PHF21B: variants seen among roughly 807,000 people sequenced by gnomAD.
The protein encoded by PHF21B is PHD finger protein 4.
Under a neutral mutation model 62.2 loss-of-function variants are expected in PHF21B, and 22 were observed. That is an observed-to-expected ratio of 0.35 (90% CI 0.25 to 0.51). The LOEUF is 0.51. Among genes scored for constraint, PHF21B ranks in the 20% least tolerant of loss-of-function variants. The pLI is 0.97. For synonymous variants in PHF21B, 341 were observed against 314.7 expected, an observed-to-expected ratio of 1.08 and a Z score of -0.88; for missense variants, 701 against 707.9, an observed-to-expected ratio of 0.99 and a Z score of 0.11.
At chr22:44,929,979 C>T (rs1368314680) in intron 2 of PHF21B, among the ~76,000 whole-genome samples, 1 of 152,226 alleles carries the variant, frequency 6.6e-6, no homozygotes, top group East Asian at 1.9e-4. Context: ...GATCCACCCA[C>T]TGTCACTAGG....
intron 2 of PHF21B, among the ~76,000 whole-genome samples, chr22:44,923,017 A>C (rs1371036670): frequency 6.6e-6 from 1 of 152,212 alleles, no homozygotes; most frequent in Non-Finnish European, 1.5e-5. Context: ...TAGAATAGCC[A>C]AAACTATGAA....
At chr22:44,974,147 C>T (rs1245367287) in intron 2 of PHF21B, among the ~76,000 whole-genome samples, 1 of 152,148 alleles carries the variant, frequency 6.6e-6, no homozygotes, top group East Asian at 1.9e-4. Flanking sequence ...GGTGCGGTGG[C>T]TCACGTCTGT....
intron 2 of PHF21B, among the ~76,000 whole-genome samples, chr22:44,994,909 C>T (rs527628488): frequency 6.6e-6 from 1 of 152,368 alleles, no homozygotes; most frequent in African/African-American, 2.4e-5. Flanking sequence ...AATCAGCAGA[C>T]CTGCATGGCA....
Position 44,882,888 on chromosome 22 carries a change from T to G in PHF21B, c.*198A>C. On this transcript the variant is annotated 3_prime_UTR_variant, in exon 13 of 13. Coordinates refer to ENST00000313237, the MANE Select transcript of PHF21B (RefSeq NM_138415.5). ...CTGGCTCCTAGGTACCCCCTGTGAA[T>G]TTGGAGGGCACAGGGCCGCACCCCC... 1.7e-6 allele frequency: 1 copy of G among 602,316 alleles called. No individual in the cohort carries two copies. The highest frequency in any genetic ancestry group is 2.7e-6 in the Non-Finnish European group (1 of 364,806). The allele number at this position is 602,316 out of a possible 1,614,324, so 37.3% of individuals were successfully genotyped here.
intron 2 of PHF21B, among the ~76,000 whole-genome samples, chr22:44,947,366 T>C (rs773583235): frequency 5.9e-5 from 9 of 152,248 alleles, no homozygotes; most frequent in Non-Finnish European, 1.0e-4. Flanking sequence ...GACCGACGCA[T>C]GGGCAGGTGA....
Position 44,916,498 on chromosome 22 carries a change from C to T in PHF21B, c.346G>A (p.Ala116Thr), listed in dbSNP as rs747226328. The T allele has an allele frequency of 4.4e-5, 61 of 1,377,704 alleles. No homozygotes were observed. The highest frequency in any genetic ancestry group is 5.5e-5 in the Non-Finnish European group (56 of 1,014,340). The allele number at this position is 1,377,704 out of a possible 1,614,324, so 85.3% of individuals were successfully genotyped here. A position where few individuals can be genotyped will look rare whatever the true frequency, so the allele number is the denominator to read the frequency against. ...VKNPSPALPT[A>T]NNTVSHVPAP... The stretch of plus-strand genomic sequence containing the variant: ...GGCACATGGCTGACAGTGTTGTTGG[C>T]GGTGGGGAGGGCTGGGCTGGGGTTC... Residue 116 changes from alanine to threonine, a missense_variant, in exon 4 of 13, where the codon GCC (alanine) becomes ACC (threonine). Physicochemically the swap from Ala to Thr is moderately conservative, Grantham distance 58 (BLOSUM62 0). Coordinates refer to ENST00000313237, the MANE Select transcript of PHF21B (RefSeq NM_138415.5).
At chr22:44,964,261 A>G (rs1333504418) in intron 2 of PHF21B, among the ~76,000 whole-genome samples, 1 of 152,174 alleles carries the variant, frequency 6.6e-6, no homozygotes, top group Non-Finnish European at 1.5e-5. Context: ...TTTAACCATT[A>G]TCTTCCCTAA....
chr22:44,965,732 C>T (rs2072512713), intron 2 of PHF21B, among the ~76,000 whole-genome samples: 1 of 152,194 alleles, frequency 6.6e-6, no homozygotes, highest in South Asian at 2.1e-4. Context: ...CCACACTGCC[C>T]ACTGGCTGGG....
At chr22:44,887,505 G>C (rs2070880122) in intron 10 of PHF21B, among the ~76,000 whole-genome samples, 1 of 152,076 alleles carries the variant, frequency 6.6e-6, no homozygotes, top group Admixed American at 6.6e-5. Flanking sequence ...GCTGCTGGGA[G>C]GAGAGGCTGC....
At chr22:44,943,035 A>G (rs1251586317) in intron 2 of PHF21B, among the ~76,000 whole-genome samples, 1 of 146,600 alleles carries the variant, frequency 6.8e-6, no homozygotes, top group Non-Finnish European at 1.5e-5. Flanking sequence ...ACCAAAGCCA[A>G]GAGCACACAA....
chr22:44,964,468 T>A (rs1288000424), intron 2 of PHF21B, among the ~76,000 whole-genome samples: 1 of 151,392 alleles, frequency 6.6e-6, no homozygotes, highest in African/African-American at 2.4e-5. Context: ...GGAGGACCAC[T>A]CCCAAACCTC....
intron 2 of PHF21B, among the ~76,000 whole-genome samples, chr22:44,937,415 C>T (rs1013965071): frequency 2.0e-5 from 3 of 152,168 alleles, no homozygotes; most frequent in South Asian, 2.1e-4. Flanking sequence ...CCGCTGAGGA[C>T]GGAGACCCAA....
At chr22:44,893,913 A>G (rs1233464679) in intron 6 of PHF21B, among the ~76,000 whole-genome samples, 1 of 152,224 alleles carries the variant, frequency 6.6e-6, no homozygotes, top group Admixed American at 6.5e-5. Flanking sequence ...CTGCAGGGTG[A>G]GGCTCCCAGC....
In PHF21B at chr22:44,942,948, C is replaced by A. The variant is rs903295612; in HGVS notation, c.121-22458G>T. ...AGAAAGGGGGATTCAGAGCTTAGGACACAGGCCTGAGGCAGGGACCCACAG... is the reference window on the plus strand; with the variant it reads ...AGAAAGGGGGATTCAGAGCTTAGGAAACAGGCCTGAGGCAGGGACCCACAG... On this transcript the variant is annotated intron_variant, in intron 2 of 12. Transcript: ENST00000313237. Among the ~76,000 whole-genome samples the A allele has an allele frequency of 4.6e-5, 7 of 151,618 alleles. No individual in the cohort carries two copies. The South Asian group carries it at 1.5e-3, about 32-fold the overall frequency.
At chr22:44,905,787 C>T (rs968691323) in intron 5 of PHF21B, among the ~76,000 whole-genome samples, 1 of 152,188 alleles carries the variant, frequency 6.6e-6, no homozygotes, top group African/African-American at 2.4e-5. Flanking sequence ...CGCCACCAGG[C>T]CTGGCTAATT....
Position 44,929,667 on chromosome 22 carries a change from C to T in PHF21B, c.121-9177G>A, listed in dbSNP as rs1169987767. Among the ~76,000 whole-genome samples, 4 of 152,364 alleles carry T rather than the reference C, an allele frequency of 2.6e-5. No homozygotes were observed. In the East Asian group the frequency reaches 7.7e-4, roughly 29 times the overall value. ...GAACTGCTGTCACTGTTACAAGGAC[C>T]AGAGGGGAGGTCCCTGTACCAGGAG... On this transcript the variant is annotated intron_variant, in intron 2 of 12. Transcript: ENST00000313237.
At chr22:44,936,572 C>G (rs376142781) in intron 2 of PHF21B, among the ~76,000 whole-genome samples, 1 of 152,024 alleles carries the variant, frequency 6.6e-6, no homozygotes, top group Non-Finnish European at 1.5e-5. Flanking sequence ...TGAGCTGAGA[C>G]GGGTTTCAAG....
At chr22:44,975,852 T>C (rs1383874013) in intron 2 of PHF21B, among the ~76,000 whole-genome samples, 1 of 152,246 alleles carries the variant, frequency 6.6e-6, no homozygotes, top group Non-Finnish European at 1.5e-5. Flanking sequence ...GAATTTACCT[T>C]GGTTAAAAAG....
chr22:44,919,423 C>T (rs1402453589), intron 3 of PHF21B, among the ~76,000 whole-genome samples: 4 of 152,182 alleles, frequency 2.6e-5, no homozygotes, highest in South Asian at 2.1e-4. Context: ...ATTTTATGTG[C>T]GGCCTAAGAC....
Sources: allele counts gnomAD v4.1 joint callset (sites outside exome capture counted in the v4.1 genomes callset), GRCh38; gene constraint gnomAD v4.1.1; transcripts MANE v1.5; gene names NCBI Gene and HGNC (gene_info 2026-07-23, HGNC 2026-07-21).